The following GRIK2 variants were observed in gnomAD, a reference collection of about 807,000 sequenced individuals.
GRIK2 encodes glutamate ionotropic receptor kainate type subunit 2.
GRIK2 carries 32 observed loss-of-function variants against 100.3 expected under a neutral mutation model. The observed-to-expected ratio is 0.32, with a 90% CI of 0.24 to 0.43. The LOEUF (loss-of-function observed/expected upper bound fraction) is 0.43, where lower values mean the gene tolerates loss of function less well. Among genes scored for constraint, GRIK2 ranks in the 20% least tolerant of loss-of-function variants. The pLI is 1.00. For missense variants in GRIK2, 843 were observed against 1,114.9 expected (o/e 0.76, Z 3.47); for synonymous variants, 417 against 389.4 (o/e 1.07, Z -0.83).
At chr6:102,008,930 T>A (rs1192742948) in intron 14 of GRIK2, among the ~76,000 whole-genome samples, 2 of 152,098 alleles carry the variant, frequency 1.3e-5, no homozygotes, top group African/African-American at 4.8e-5. Flanking sequence ...ATGTCCATAG[T>A]TAAATTATGT....
intron 7 of GRIK2, among the ~76,000 whole-genome samples, chr6:101,730,811 T>A (rs1304259238): frequency 8.5e-6 from 1 of 117,198 alleles, no homozygotes; most frequent in Non-Finnish European, 1.7e-5. Context: ...AAGATTCAGA[T>A]TTTTTTTTAA....
chr6:101,517,546 TAATA>T (rs964858211), intron 2 of GRIK2, among the ~76,000 whole-genome samples: 3 of 152,090 alleles, frequency 2.0e-5, no homozygotes, highest in African/African-American at 4.8e-5. Context: ...TTTACTAAAA[TAATA>T]AATATAGTAT....
At position 101,779,881 on chromosome 6, in the gene GRIK2, A is replaced by C. The variant is rs578024775; in HGVS notation, c.952-19767A>C. 1.9e-4 allele frequency among the ~76,000 whole-genome samples: 29 copies of C among 152,208 alleles called. 1 individual carries two copies. Among genetic ancestry groups the C allele is most frequent in the East Asian group, 7.7e-4 (4 of 5,190 alleles). On this transcript the variant is annotated intron_variant, in intron 7 of 16. Transcript: ENST00000369134. ...TGGAGAGATAAATCTCTCTCTCTAT[A>C]TATATATAAAATTGTAGTTGAAAGA...
intron 2 of GRIK2, among the ~76,000 whole-genome samples, chr6:101,510,978 C>T (rs1402403585): frequency 6.6e-6 from 1 of 152,020 alleles, no homozygotes; most frequent in African/African-American, 2.4e-5. Flanking sequence ...TTTTATAACA[C>T]AAAGCATGGG....
intron 7 of GRIK2, among the ~76,000 whole-genome samples, chr6:101,790,462 A>G (rs530308814): frequency 9.3e-4 from 141 of 151,676 alleles, no homozygotes; most frequent in Non-Finnish European, 1.3e-3. Context: ...CTATTGAGAT[A>G]ATCATGTGGT....
At chr6:101,952,648 G>A (rs190148253) in intron 14 of GRIK2, among the ~76,000 whole-genome samples, 2 of 151,702 alleles carry the variant, frequency 1.3e-5, no homozygotes, top group East Asian at 1.9e-4. Flanking sequence ...CATCTCTCAG[G>A]CTGGAGTGCA....
chr6:102,059,067 A>G (rs1174485413), intron 16 of GRIK2, among the ~76,000 whole-genome samples: 1 of 151,282 alleles, frequency 6.6e-6, no homozygotes, highest in East Asian at 1.9e-4. Flanking sequence ...GCTCTTGATA[A>G]TGATAGGCTT....
At chr6:101,912,046 GCACACACA>G (rs571177027) in intron 12 of GRIK2, among the ~76,000 whole-genome samples, 34 of 62,900 alleles carry the variant, frequency 5.4e-4, no homozygotes, top group Admixed American at 8.5e-4. Flanking sequence ...CAGGGGCAAC[GCACACACA>G]CACACACACA....
At position 101,495,641 on chromosome 6, in the gene GRIK2, A is replaced by G. The variant is rs189494768; in HGVS notation, c.115+96249A>G. On this transcript the variant is annotated intron_variant, in intron 2 of 16. Coordinates refer to ENST00000369134, the MANE Select transcript of GRIK2 (RefSeq NM_021956.5). ...CACATGAATTTCTGATTATCTTCTTATGACAAATATCTTAATGTGGAATTA... is the reference window on the plus strand; with the variant it reads ...CACATGAATTTCTGATTATCTTCTTGTGACAAATATCTTAATGTGGAATTA... Among the ~76,000 whole-genome samples, 646 of 152,332 alleles carry G rather than the reference A, an allele frequency of 4.2e-3. 3 individuals are homozygous for G. Among genetic ancestry groups the G allele is most frequent in the Non-Finnish European group, 6.8e-3 (466 of 68,038 alleles).
chr6:101,938,511 A>G (rs1343927271), intron 14 of GRIK2, among the ~76,000 whole-genome samples: 6 of 152,150 alleles, frequency 3.9e-5, no homozygotes, highest in African/African-American at 1.4e-4. Flanking sequence ...TAAATGTCTT[A>G]TTCTTAAAGA....
chr6:101,842,534 T>C (rs1390228044), intron 10 of GRIK2, among the ~76,000 whole-genome samples: 1 of 152,196 alleles, frequency 6.6e-6, no homozygotes, highest in Non-Finnish European at 1.5e-5. Flanking sequence ...CTCAACTAGA[T>C]TAAAAGGTGC....
chr6:101,608,875 A>ACAG lies in GRIK2; in HGVS notation c.116-13073_116-13071dup, dbSNP rs1779556822. On this transcript the variant is annotated intron_variant, in intron 2 of 16. Transcript: ENST00000369134. The stretch of plus-strand genomic sequence containing the variant: ...CTGAACACACAAAGTCCCATAGTCT[A>ACAG]CAGTTGGGTCATTTCATTTGATCTT... Among the ~76,000 whole-genome samples, 3 of 151,496 alleles carry ACAG rather than the reference A, an allele frequency of 2.0e-5. No homozygotes were observed. The South Asian group carries it at 6.2e-4, about 31-fold the overall frequency.
chr6:101,684,789 G>A (rs1289840312), intron 6 of GRIK2, among the ~76,000 whole-genome samples: 2 of 151,896 alleles, frequency 1.3e-5, no homozygotes, highest in Non-Finnish European at 2.9e-5. Context: ...TGGACAAAGG[G>A]AGGTTATGAT....
At chr6:102,042,941 AGGTT>A (rs1171145069) in intron 15 of GRIK2, among the ~76,000 whole-genome samples, 16 of 151,860 alleles carry the variant, frequency 1.1e-4, no homozygotes, top group Non-Finnish European at 2.2e-4. Flanking sequence ...GTTTCATTAC[AGGTT>A]GATAACATTT....
chr6:101,442,274 A>G (rs1424532005), intron 2 of GRIK2, among the ~76,000 whole-genome samples: 1 of 152,112 alleles, frequency 6.6e-6, no homozygotes, highest in Non-Finnish European at 1.5e-5. Flanking sequence ...AGAAAAGGAA[A>G]AAGGAAAAAT....
intron 2 of GRIK2, among the ~76,000 whole-genome samples, chr6:101,604,510 G>A (rs886124181): frequency 6.6e-6 from 1 of 151,820 alleles, no homozygotes; most frequent in South Asian, 2.1e-4. Flanking sequence ...AGCTTTAAGT[G>A]CTGTTGGAAT....
chr6:101,988,363 AT>A (rs1794166008), intron 14 of GRIK2, among the ~76,000 whole-genome samples: 1 of 151,828 alleles, frequency 6.6e-6, no homozygotes, highest in African/African-American at 2.4e-5. Context: ...AGTATGTAGT[AT>A]TTTACCAGTA....
At chr6:101,763,991 C>T (rs983927824) in intron 7 of GRIK2, among the ~76,000 whole-genome samples, 25 of 152,050 alleles carry the variant, frequency 1.6e-4, no homozygotes, top group African/African-American at 5.8e-4. Flanking sequence ...AACGTTTGTC[C>T]TTAAGGAAGG....
At chr6:101,831,871 C>T (rs995115809) in intron 10 of GRIK2, among the ~76,000 whole-genome samples, 2 of 151,912 alleles carry the variant, frequency 1.3e-5, no homozygotes, top group African/African-American at 4.8e-5. Flanking sequence ...TTGCTATGTA[C>T]ATTTATAAAA....
Sources: gnomAD v4.1 joint callset for allele counts (sites outside exome capture counted in the v4.1 genomes callset) on GRCh38, gnomAD v4.1.1 for gene constraint, MANE v1.5 for transcripts, NCBI Gene and HGNC (gene_info 2026-07-23, HGNC 2026-07-21) for gene names.